GATAD2A: variants seen among roughly 807,000 people sequenced by gnomAD.
GATAD2A encodes the protein GATA zinc finger domain containing 2A, also known as transcriptional repressor p66-alpha.
In GATAD2A, 12 loss-of-function variants were observed where a neutral mutation model predicts 68.5. The observed-to-expected ratio is 0.18, with a 90% CI of 0.11 to 0.28. The LOEUF is 0.28. Ranked by LOEUF, GATAD2A falls within the 10% of genes least tolerant of loss-of-function variation. The pLI, the probability that GATAD2A is intolerant of heterozygous loss-of-function variation, is 1.00. For missense variants in GATAD2A, 755 were observed against 868.5 expected, an observed-to-expected ratio of 0.87 and a Z score of 1.64; for synonymous variants, 410 against 375.3, an observed-to-expected ratio of 1.09 and a Z score of -1.07.
chr19:19,462,694 A>G (rs571091940), intron 1 of GATAD2A, among the ~76,000 whole-genome samples: 1 of 152,336 alleles, frequency 6.6e-6, no homozygotes. Flanking sequence ...TCTGCTGGGC[A>G]CCTGAGGCCC....
intron 1 of GATAD2A, among the ~76,000 whole-genome samples, chr19:19,430,786 A>G (rs976977815): frequency 6.6e-6 from 1 of 152,154 alleles, no homozygotes; most frequent in Non-Finnish European, 1.5e-5. Context: ...GTGTCAGGCC[A>G]TGTGTCCTTT....
intron 2 of GATAD2A, among the ~76,000 whole-genome samples, chr19:19,488,713 G>T (rs904621150): frequency 6.6e-6 from 1 of 152,214 alleles, no homozygotes; most frequent in African/African-American, 2.4e-5. Flanking sequence ...GGTGGTGCGT[G>T]TCAGCGAGCG....
Position 19,421,582 on chromosome 19 carries a change from C to T in GATAD2A, c.-7+15563C>T, listed in dbSNP as rs1050939322. On this transcript the variant is annotated intron_variant, in intron 1 of 11. Coordinates refer to ENST00000683918, the MANE Select transcript of GATAD2A (RefSeq NM_001384528.1). ...TAGAATTGTGGAGGGTGGAGTGTGT[C>T]CCGGCCCTGTGTTTGTTTGCCTGCC... Among the ~76,000 whole-genome samples, 2 of 152,110 alleles carry T rather than the reference C, an allele frequency of 1.3e-5. 1 individual carries two copies. Among genetic ancestry groups the T allele is most frequent in the Middle Eastern group, 6.3e-3 (2 of 316 alleles).
chr19:19,466,454 G>T (rs2148030577), intron 2 of GATAD2A, among the ~76,000 whole-genome samples: 1 of 152,288 alleles, frequency 6.6e-6, no homozygotes, highest in South Asian at 2.1e-4. Flanking sequence ...ACCGCCCACT[G>T]GAGTCTTCTC....
In GATAD2A at chr19:19,451,189, AC is replaced by A. The variant is rs2056349915; in HGVS notation, c.-6-14150del. Among the ~76,000 whole-genome samples, 3 of 151,176 alleles carry A rather than the reference AC, an allele frequency of 2.0e-5. No individual in the cohort carries two copies. In the South Asian group the frequency reaches 6.4e-4, roughly 32 times the overall value. On this transcript the variant is annotated intron_variant, in intron 1 of 11. Transcript: ENST00000683918. ...GGAGATTGAGACCATCCTGGCCAAC[AC>A]GGTGAAACCCCCTCTCTAGTAAAAT...
At chr19:19,475,450 G>A (rs893191140) in intron 2 of GATAD2A, among the ~76,000 whole-genome samples, 6 of 150,390 alleles carry the variant, frequency 4.0e-5, no homozygotes, top group Non-Finnish European at 8.9e-5. Context: ...AGGGGGCTCC[G>A]GAGCGGGGTA....
intron 1 of GATAD2A, among the ~76,000 whole-genome samples, chr19:19,438,368 A>G (rs1461391486): frequency 6.6e-6 from 1 of 152,160 alleles, no homozygotes; most frequent in Non-Finnish European, 1.5e-5. Flanking sequence ...CAGTCTCCCA[A>G]ATAGCTGGGA....
At chr19:19,426,888 A>G (rs1427727843) in intron 1 of GATAD2A, among the ~76,000 whole-genome samples, 1 of 152,232 alleles carries the variant, frequency 6.6e-6, no homozygotes, top group Non-Finnish European at 1.5e-5. Flanking sequence ...TGTCAGTGGC[A>G]TGGCTGAGCT....
chr19:19,503,223 A>G (rs2060658109), intron 11 of GATAD2A, among the ~76,000 whole-genome samples: 1 of 152,220 alleles, frequency 6.6e-6, no homozygotes, highest in Non-Finnish European at 1.5e-5. Context: ...GGGCCAAGTT[A>G]AGGAGATGGG....
chr19:19,435,094 A>G (rs2054178959), intron 1 of GATAD2A: 1 of 533,134 alleles, frequency 1.9e-6, no homozygotes, highest in Non-Finnish European at 3.9e-6. Context: ...AAGATCAGAC[A>G]CATCAGATCC....
intron 2 of GATAD2A, among the ~76,000 whole-genome samples, chr19:19,471,224 C>T (rs1268449383): frequency 6.7e-6 from 1 of 149,674 alleles, no homozygotes; most frequent in Non-Finnish European, 1.5e-5. Context: ...CCGCTGTACT[C>T]CAGCCTGGTG....
chr19:19,414,338 G>A (rs755589367), intron 1 of GATAD2A, among the ~76,000 whole-genome samples: 3 of 152,080 alleles, frequency 2.0e-5, no homozygotes, highest in South Asian at 2.1e-4. Flanking sequence ...AGGCTCAAGC[G>A]GAGGAGGAGT....
chr19:19,436,130 G>C, intron 1 of GATAD2A: 1 of 1,360,768 alleles, frequency 7.3e-7, no homozygotes, highest in Non-Finnish European at 9.8e-7. Context: ...CTTTGCTTTA[G>C]GTTGGTCAGC....
upstream of GATAD2A, among the ~76,000 whole-genome samples, chr19:19,405,298 G>T (rs900856021): frequency 6.6e-6 from 1 of 152,224 alleles, no homozygotes; most frequent in African/African-American, 2.4e-5. Context: ...GACCCCGCGG[G>T]GGTGACATTC....
rs1030106320 is a variant in GATAD2A at position 19,408,221 on chromosome 19, G to A, written c.-7+2202G>A. On this transcript the variant is annotated intron_variant, in intron 1 of 11. Coordinates refer to ENST00000683918, the MANE Select transcript of GATAD2A (RefSeq NM_001384528.1). Reference sequence around the variant, plus strand: ...AGGCTGGTCTCGAACTCCTGACCTCGTGATCTGCCCACCTCAGCCTCCCAA... The same window carrying A: ...AGGCTGGTCTCGAACTCCTGACCTCATGATCTGCCCACCTCAGCCTCCCAA... Among the ~76,000 whole-genome samples, 6 of 152,246 alleles carry A rather than the reference G, an allele frequency of 3.9e-5. 1 individual carries two copies. Among genetic ancestry groups the A allele is most frequent in the Middle Eastern group, 6.8e-3 (2 of 294 alleles).
In GATAD2A at chr19:19,387,060, G is replaced by T. The variant is rs551825765; in HGVS notation, c.-7+922G>T. Reference sequence around the variant, plus strand: ...CTGAGAGACCCTCTGCCTCTCTGAGGGTCCCCCGCTTTCTTTGAGGGGCCC... The same window carrying T: ...CTGAGAGACCCTCTGCCTCTCTGAGTGTCCCCCGCTTTCTTTGAGGGGCCC... On this transcript the variant is annotated intron_variant, in intron 1 of 11. Coordinates refer to the GATAD2A transcript ENST00000360315. 2.8e-4 allele frequency among the ~76,000 whole-genome samples: 43 copies of T among 152,196 alleles called. No individual in the cohort carries two copies. In the South Asian group the frequency reaches 5.8e-3, roughly 21 times the overall value.
chr19:19,431,852 G>A (rs573276937), intron 1 of GATAD2A, among the ~76,000 whole-genome samples: 2 of 152,266 alleles, frequency 1.3e-5, no homozygotes, highest in Admixed American at 1.3e-4. Context: ...TAGCTGTGTT[G>A]TGTGGAGTGT....
chr19:19,423,071 A>G (rs74181137), intron 1 of GATAD2A, among the ~76,000 whole-genome samples: 7,435 of 152,274 alleles, frequency 0.049, 257 homozygotes, highest in East Asian at 0.13. Flanking sequence ...CAGTGGCACA[A>G]AAATGGCTCA....
At chr19:19,424,069 T>A (rs961130874) in intron 1 of GATAD2A, among the ~76,000 whole-genome samples, 2 of 151,788 alleles carry the variant, frequency 1.3e-5, no homozygotes, top group African/African-American at 4.8e-5. Context: ...GGACTACAGG[T>A]ATGCACCACC....
Sources: gnomAD v4.1 joint callset for allele counts (sites outside exome capture counted in the v4.1 genomes callset) on GRCh38, gnomAD v4.1.1 for gene constraint, MANE v1.5 for transcripts, NCBI Gene and HGNC (gene_info 2026-07-23, HGNC 2026-07-21) for gene names.